The following TRAPPC9 variants were observed in gnomAD, a reference collection of about 807,000 sequenced individuals.
TRAPPC9 encodes the protein IKK2 binding protein.
A neutral mutation model predicts 124.0 loss-of-function variants in TRAPPC9; 83 were observed. The ratio of observed to expected loss-of-function variants is 0.67; its 90% CI spans 0.56 to 0.80. The LOEUF is 0.80. Among genes scored for constraint, TRAPPC9 ranks in the 30% least tolerant of loss-of-function variants. TRAPPC9 has a pLI of 0.00. For missense variants in TRAPPC9, 1,302 were observed against 1,508.3 expected (o/e 0.86, Z 2.27); for synonymous variants, 638 against 617.5 (o/e 1.03, Z -0.49).
intron 21 of TRAPPC9, among the ~76,000 whole-genome samples, chr8:139,878,999 C>A (rs1269504879): frequency 6.6e-6 from 1 of 152,218 alleles, no homozygotes. Context: ...CCTTTTTGAA[C>A]TGAATTAGTG....
intron 9 of TRAPPC9, among the ~76,000 whole-genome samples, chr8:140,313,388 C>T (rs764059723): frequency 5.3e-5 from 8 of 152,172 alleles, no homozygotes; most frequent in Non-Finnish European, 1.0e-4. Flanking sequence ...AGGAAAGGCA[C>T]CACAGTGTAT....
chr8:140,274,362 G>T (rs2131641013), intron 15 of TRAPPC9, among the ~76,000 whole-genome samples: 1 of 152,306 alleles, frequency 6.6e-6, no homozygotes, highest in Middle Eastern at 3.4e-3. Flanking sequence ...AGAACACAAG[G>T]TGGGCTGCCC....
chr8:139,972,091 G>T (rs535521282), intron 19 of TRAPPC9, among the ~76,000 whole-genome samples: 1 of 152,114 alleles, frequency 6.6e-6, no homozygotes, highest in Non-Finnish European at 1.5e-5. Flanking sequence ...TTCCTAAAGT[G>T]CTGGGATTAC....
intron 17 of TRAPPC9, among the ~76,000 whole-genome samples, chr8:140,167,958 A>C (rs1665682521): frequency 6.6e-6 from 1 of 152,228 alleles, no homozygotes; most frequent in South Asian, 2.1e-4. Context: ...GGATAAAAGG[A>C]GAAGTTAAAG....
chr8:139,764,276 A>G (rs1820431172), intron 21 of TRAPPC9, among the ~76,000 whole-genome samples: 1 of 152,274 alleles, frequency 6.6e-6, no homozygotes, highest in Non-Finnish European at 1.5e-5. Flanking sequence ...GTGTGGCTGT[A>G]GCAGGGGCAG....
intron 9 of TRAPPC9, among the ~76,000 whole-genome samples, chr8:140,351,187 A>AGG (rs1588198657): frequency 6.7e-6 from 1 of 149,330 alleles, no homozygotes; most frequent in East Asian, 2.1e-4. Flanking sequence ...ACACAGGCCC[A>AGG]CGCTAGTCGC....
At chr8:139,901,867 C>T (rs1298552613) in intron 20 of TRAPPC9, among the ~76,000 whole-genome samples, 2 of 152,202 alleles carry the variant, frequency 1.3e-5, no homozygotes, top group African/African-American at 4.8e-5. Flanking sequence ...GTTTTCTCAT[C>T]TGTGCAACGT....
At chr8:140,316,502 A>G (rs1363751875) in intron 9 of TRAPPC9, among the ~76,000 whole-genome samples, 2 of 152,186 alleles carry the variant, frequency 1.3e-5, no homozygotes, top group Admixed American at 6.5e-5. Context: ...TTCTGCTTCT[A>G]TAGAAATGAT....
At chr8:139,870,025 G>A (rs1301388224) in intron 21 of TRAPPC9, among the ~76,000 whole-genome samples, 2 of 152,158 alleles carry the variant, frequency 1.3e-5, no homozygotes, top group African/African-American at 2.4e-5. Context: ...AAGGCATTGA[G>A]GGAGGACTAT....
intron 9 of TRAPPC9, among the ~76,000 whole-genome samples, chr8:140,317,015 T>C (rs2066460447): frequency 6.6e-6 from 1 of 152,208 alleles, no homozygotes; most frequent in South Asian, 2.1e-4. Flanking sequence ...ATATAATTGT[T>C]TGTAATAGTC....
intron 19 of TRAPPC9, among the ~76,000 whole-genome samples, chr8:139,942,170 CA>C (rs1332013006): frequency 6.6e-6 from 1 of 152,146 alleles, no homozygotes; most frequent in East Asian, 1.9e-4. Context: ...ATGGTAATAA[CA>C]GGGGGCGGCC....
intron 6 of TRAPPC9, among the ~76,000 whole-genome samples, chr8:140,403,597 G>A (rs1369132561): frequency 2.0e-5 from 3 of 152,002 alleles, no homozygotes; most frequent in Admixed American, 6.6e-5. Flanking sequence ...TTATGGAGGA[G>A]TAAATTGTTA....
intron 8 of TRAPPC9, among the ~76,000 whole-genome samples, chr8:140,361,005 G>A (rs2067937445): frequency 6.6e-6 from 1 of 152,146 alleles, no homozygotes; most frequent in African/African-American, 2.4e-5. Flanking sequence ...CCAAAGTGCT[G>A]GGATTACAGG....
intron 21 of TRAPPC9, among the ~76,000 whole-genome samples, chr8:139,752,134 T>C (rs1427127219): frequency 6.7e-6 from 1 of 149,834 alleles, no homozygotes; most frequent in Non-Finnish European, 1.5e-5. Flanking sequence ...TCCATCCATC[T>C]ATATATCGAT....
At chr8:140,116,364 C>T (rs983023287) in intron 17 of TRAPPC9, among the ~76,000 whole-genome samples, 2 of 152,192 alleles carry the variant, frequency 1.3e-5, no homozygotes, top group African/African-American at 2.4e-5. Flanking sequence ...CTAAAAGTAA[C>T]GATTATCACT....
chr8:139,920,921 G>A (rs1832463023), intron 19 of TRAPPC9, among the ~76,000 whole-genome samples: 2 of 152,362 alleles, frequency 1.3e-5, no homozygotes, highest in Admixed American at 6.5e-5. Context: ...TCAAGGAATG[G>A]CAGTGTGGTG....
chr8:140,272,370 G>GTGT (rs1563904376), intron 15 of TRAPPC9, among the ~76,000 whole-genome samples: 55 of 81,500 alleles, frequency 6.7e-4, no homozygotes, highest in Middle Eastern at 0.011. Flanking sequence ...GTGGTAGTGA[G>GTGT]GGTGGTGGTG....
intron 19 of TRAPPC9, chr8:139,932,278 T>A (rs1008096408): frequency 2.2e-6 from 1 of 456,964 alleles, no homozygotes; most frequent in Admixed American, 2.3e-5. Context: ...TCGCTCAGGG[T>A]AGCCACCATG....
At chr8:140,367,883 A>G (rs2068168412) in intron 8 of TRAPPC9, among the ~76,000 whole-genome samples, 1 of 152,144 alleles carries the variant, frequency 6.6e-6, no homozygotes, top group Non-Finnish European at 1.5e-5. Context: ...GGTCCATCTA[A>G]AGGTGTCAAT....
Sources: gnomAD v4.1 joint callset for allele counts (sites outside exome capture counted in the v4.1 genomes callset) on GRCh38, gnomAD v4.1.1 for gene constraint, MANE v1.5 for transcripts, NCBI Gene and HGNC (gene_info 2026-07-23, HGNC 2026-07-21) for gene names.